Variants in DPP10 observed in about 807,000 individuals in gnomAD.
DPP10 encodes the protein dipeptidyl peptidase like 10, also known as inactive dipeptidyl peptidase 10.
In DPP10, 33 loss-of-function variants were observed where a neutral mutation model predicts 120.9. That is an observed-to-expected ratio of 0.27 (90% confidence interval 0.21 to 0.37). The LOEUF (loss-of-function observed/expected upper bound fraction) is 0.37, where lower values mean the gene tolerates loss of function less well. Ranked by LOEUF, DPP10 falls within the 10% of genes least tolerant of loss-of-function variation. The pLI, the probability that DPP10 is intolerant of heterozygous loss-of-function variation, is 1.00. For missense variants in DPP10, 816 were observed against 942.8 expected, an observed-to-expected ratio of 0.87 and a Z score of 1.76; for synonymous variants, 337 against 326.1, an observed-to-expected ratio of 1.03 and a Z score of -0.36.
At chr2:115,208,185 A>C (rs552193137) in intron 1 of DPP10, among the ~76,000 whole-genome samples, 1 of 144,274 alleles carries the variant, frequency 6.9e-6, no homozygotes, top group Admixed American at 6.9e-5. Flanking sequence ...GCTTTACATT[A>C]TTTCTCTTTT....
intron 21 of DPP10, among the ~76,000 whole-genome samples, chr2:115,824,366 C>G (rs961222511): frequency 6.6e-6 from 1 of 152,024 alleles, no homozygotes; most frequent in Non-Finnish European, 1.5e-5. Context: ...AGGTTTGTTA[C>G]GTGGGTATAC....
chr2:115,398,066 A>C (rs2067808738), intron 3 of DPP10, among the ~76,000 whole-genome samples: 1 of 152,182 alleles, frequency 6.6e-6, no homozygotes, highest in South Asian at 2.1e-4. Context: ...TGTTCATCAC[A>C]CAAACAGCTG....
intron 5 of DPP10, among the ~76,000 whole-genome samples, chr2:115,648,677 C>G (rs1323570554): frequency 6.7e-6 from 1 of 150,222 alleles, no homozygotes; most frequent in Middle Eastern, 3.3e-3. Context: ...TTTAATAAAA[C>G]TTAGCCTAGG....
chr2:115,132,244 T>C (rs1367410782), intron 1 of DPP10, among the ~76,000 whole-genome samples: 2 of 152,150 alleles, frequency 1.3e-5, no homozygotes, highest in Non-Finnish European at 2.9e-5. Context: ...GTTTCTGTTA[T>C]GTAGATGAAG....
At chr2:114,531,068 A>G (rs965230833) in intron 1 of DPP10, among the ~76,000 whole-genome samples, 1 of 152,168 alleles carries the variant, frequency 6.6e-6, no homozygotes, top group Non-Finnish European at 1.5e-5. Context: ...ATACATGAGG[A>G]CAAACATAGC....
chr2:115,482,025 A>G (rs910778059), intron 3 of DPP10, among the ~76,000 whole-genome samples: 2 of 152,058 alleles, frequency 1.3e-5, no homozygotes, highest in Non-Finnish European at 2.9e-5. Context: ...GATGAAACAA[A>G]TACCAGGCAA....
chr2:115,539,638 T>C (rs1417297950), intron 5 of DPP10, among the ~76,000 whole-genome samples: 1 of 151,942 alleles, frequency 6.6e-6, no homozygotes, highest in Non-Finnish European at 1.5e-5. Flanking sequence ...CCAACTAATA[T>C]GTCAAGTTTG....
At chr2:115,320,099 C>G (rs1005045739) in intron 2 of DPP10, among the ~76,000 whole-genome samples, 1 of 152,040 alleles carries the variant, frequency 6.6e-6, no homozygotes, top group Non-Finnish European at 1.5e-5. Flanking sequence ...ATTATTTTGT[C>G]TCTTTAATGA....
intron 1 of DPP10, among the ~76,000 whole-genome samples, chr2:115,044,286 C>T (rs1185544761): frequency 6.6e-6 from 1 of 151,986 alleles, no homozygotes; most frequent in Non-Finnish European, 1.5e-5. Context: ...AGTAAGATGC[C>T]TCACATGGCC....
chr2:115,192,086 T>C (rs1442716318), intron 1 of DPP10, among the ~76,000 whole-genome samples: 1 of 152,340 alleles, frequency 6.6e-6, no homozygotes, highest in South Asian at 2.1e-4. Flanking sequence ...GATATTCCCA[T>C]ATTATATCCA....
intron 1 of DPP10, among the ~76,000 whole-genome samples, chr2:115,090,873 C>G (rs559758189): frequency 2.0e-5 from 3 of 152,142 alleles, no homozygotes; most frequent in African/African-American, 7.2e-5. Flanking sequence ...GCTGGCATGT[C>G]TCTGGTCAGG....
intron 1 of DPP10, among the ~76,000 whole-genome samples, chr2:114,502,537 A>G (rs969028035): frequency 3.3e-5 from 5 of 152,374 alleles, no homozygotes; most frequent in African/African-American, 9.6e-5. Flanking sequence ...TGGATAAGTA[A>G]TAAGTCACTT....
At chr2:115,261,783 T>C (rs1354417730) in intron 1 of DPP10, among the ~76,000 whole-genome samples, 3 of 152,212 alleles carry the variant, frequency 2.0e-5, no homozygotes, top group African/African-American at 7.2e-5. Context: ...TATCTCCATA[T>C]TAACATGCCT....
chr2:114,723,850 T>A (rs1006386258), intron 1 of DPP10, among the ~76,000 whole-genome samples: 1 of 152,056 alleles, frequency 6.6e-6, no homozygotes, highest in African/African-American at 2.4e-5. Flanking sequence ...ATAAATAAAT[T>A]GTTAATGACT....
intron 1 of DPP10, among the ~76,000 whole-genome samples, chr2:115,091,092 G>C (rs1709215420): frequency 6.6e-6 from 1 of 152,182 alleles, no homozygotes; most frequent in South Asian, 2.1e-4. Flanking sequence ...GTGATATAAA[G>C]AGATGGCCAT....
At chr2:114,461,562 A>G (rs1678918567) in intron 1 of DPP10, 1 of 984,060 alleles carries the variant, frequency 1.0e-6, no homozygotes, top group Non-Finnish European at 1.2e-6. Context: ...TTCTAAGACC[A>G]GCCTCCTCTT....
rs150314168 is a variant in DPP10 at position 114,750,803 on chromosome 2, G to A, written c.60+307965G>A. Among the ~76,000 whole-genome samples, 104 of 152,260 alleles carry A rather than the reference G, an allele frequency of 6.8e-4. 1 individual carries two copies. Among genetic ancestry groups the A allele is most frequent in the African/African-American group, 2.5e-3 (102 of 41,538 alleles). ...CAGAAGGCTAACAATAAAAATAACA[G>A]GATTCGTCTCTCACAAAGCATTTTA... On this transcript the variant is annotated intron_variant, in intron 1 of 25. Transcript: ENST00000410059.
At chr2:115,445,949 G>T (rs1428451648) in intron 3 of DPP10, among the ~76,000 whole-genome samples, 1 of 152,108 alleles carries the variant, frequency 6.6e-6, no homozygotes, top group Non-Finnish European at 1.5e-5. Context: ...GGGACTTGGT[G>T]TCCTGCGGCC....
chr2:114,920,556 A>G (rs1695127236), intron 1 of DPP10, among the ~76,000 whole-genome samples: 2 of 152,244 alleles, frequency 1.3e-5, no homozygotes, highest in South Asian at 2.1e-4. Context: ...CTATCTTGTG[A>G]ATAACTATAG....
Sources: allele counts gnomAD v4.1 joint callset (sites outside exome capture counted in the v4.1 genomes callset), GRCh38; gene constraint gnomAD v4.1.1; transcripts MANE v1.5; gene names NCBI Gene and HGNC (gene_info 2026-07-23, HGNC 2026-07-21).